ANKDD1A: variants seen among roughly 807,000 people sequenced by gnomAD.
ANKDD1A encodes ankyrin repeat and death domain-containing protein 1A.
A neutral mutation model predicts 63.5 loss-of-function variants in ANKDD1A; 59 were observed. The ratio of observed to expected loss-of-function variants is 0.93; its 90% confidence interval spans 0.75 to 1.15. The LOEUF (loss-of-function observed/expected upper bound fraction) is 1.15. Among genes scored for constraint, ANKDD1A ranks in the 50% most tolerant of loss-of-function variants. The pLI is 0.00. For missense variants in ANKDD1A, 632 were observed against 656.4 expected, an observed-to-expected ratio of 0.96 and a Z score of 0.41; for synonymous variants, 266 against 263.9, an observed-to-expected ratio of 1.01 and a Z score of -0.08.
chr15:64,954,503 C>CCTTCTTCTTT, intron 14 of ANKDD1A, among the ~76,000 whole-genome samples: 1 of 133,874 alleles, frequency 7.5e-6, no homozygotes, highest in Non-Finnish European at 1.6e-5. Context: ...CCTTCTTCTT[C>CCTTCTTCTTT]CTTCTTCTCC....
chr15:64,934,423 G>T (rs1379794040), intron 9 of ANKDD1A, among the ~76,000 whole-genome samples, 189 bp downstream of exon 9: 1 of 151,802 alleles, frequency 6.6e-6, no homozygotes, highest in Non-Finnish European at 1.5e-5. Context: ...AACCCAGCTT[G>T]CTTGCAATTC....
intron 1 of ANKDD1A, among the ~76,000 whole-genome samples, chr15:64,915,271 C>A (rs1190635093): frequency 6.6e-6 from 1 of 152,206 alleles, no homozygotes; most frequent in African/African-American, 2.4e-5. Context: ...CGCCACTGCA[C>A]TCCAGCCTGG....
At chr15:64,927,437 T>C (rs1420896460) in intron 6 of ANKDD1A, among the ~76,000 whole-genome samples, 1 of 151,962 alleles carries the variant, frequency 6.6e-6, no homozygotes, top group Non-Finnish European at 1.5e-5. Flanking sequence ...ATGGCAGGAA[T>C]AGGTTGGGAG....
intron 14 of ANKDD1A, among the ~76,000 whole-genome samples, chr15:64,953,781 C>CTTTCT (rs143013911): frequency 0.89 from 125,231 of 140,010 alleles, 56,809 homozygotes; most frequent in East Asian, 1. Context: ...TCCCTCTTTT[C>CTTTCT]TTTCTTCTGC....
chr15:64,951,929 CTTCCT>C (rs1223092625), intron 14 of ANKDD1A, among the ~76,000 whole-genome samples: 4 of 113,690 alleles, frequency 3.5e-5, no homozygotes, highest in African/African-American at 6.3e-5. Flanking sequence ...CTTTCCTCTT[CTTCCT>C]TTCTTTTCTT....
rs557194723 is a variant in ANKDD1A at position 64,954,924 on chromosome 15, TCTTCTC to T, written c.1484-2173_1484-2168del. Among the ~76,000 whole-genome samples the T allele has an allele frequency of 4.1e-3, 127 of 31,072 alleles. No individual in the cohort carries two copies. The East Asian group carries it at 0.17, about 41-fold the overall frequency. 20.4% of individuals were successfully genotyped at this position (31,072 alleles called of 152,430 possible). On this transcript the variant is annotated intron_variant, in intron 14 of 14. Coordinates refer to ENST00000319580, the MANE Select transcript of ANKDD1A (RefSeq NM_182703.6). ...TCTTCTCTTGTCTCTTCTCTCTCCTTCTTCTCCTTCTTCTTGTCTCTTCTTCTCTCT... is the reference window on the plus strand; with the variant it reads ...TCTTCTCTTGTCTCTTCTCTCTCCTTCTTCTTCTTGTCTCTTCTTCTCTCT...
At chr15:64,938,014 A>G (rs2085149055) in intron 9 of ANKDD1A, among the ~76,000 whole-genome samples, 1 of 152,218 alleles carries the variant, frequency 6.6e-6, no homozygotes. Flanking sequence ...GCCACCAGAG[A>G]GAGCTCCCAA....
rs150863998 is a variant in ANKDD1A at position 64,934,191 on chromosome 15, G to A, written c.824G>A (p.Arg275Gln). The change falls in exon 9 of 15, where the codon CGG (arginine) becomes CAG (glutamine). Residue 275 changes from arginine to glutamine, a missense_variant. Arg to Gln is a conservative substitution (Grantham distance 43, BLOSUM62 1). Coordinates refer to ENST00000319580, the MANE Select transcript of ANKDD1A (RefSeq NM_182703.6). ...AALSGSEDVS[R>Q]VLIHAGGCAN... ...CTCAGTGGCTCGGAGGATGTGTCTCGGGTCCTCATCCACGCAGGAGGCTGC... is the reference window on the plus strand; with the variant it reads ...CTCAGTGGCTCGGAGGATGTGTCTCAGGTCCTCATCCACGCAGGAGGCTGC... The A allele has an allele frequency of 4.8e-5, 77 of 1,612,198 alleles. No homozygotes were observed. Among genetic ancestry groups the A allele is most frequent in the African/African-American group, 2.3e-4 (17 of 74,888 alleles).
chr15:64,949,211 C>A (rs1194370559), intron 13 of ANKDD1A, among the ~76,000 whole-genome samples: 1 of 152,238 alleles, frequency 6.6e-6, no homozygotes, highest in South Asian at 2.1e-4. Context: ...AACCCCATGC[C>A]GTGTGGGCAA....
At chr15:64,944,931 A>T (rs1384409738) in intron 12 of ANKDD1A, among the ~76,000 whole-genome samples, 184 bp downstream of exon 12, 1 of 152,234 alleles carries the variant, frequency 6.6e-6, no homozygotes, top group Non-Finnish European at 1.5e-5. Flanking sequence ...CAAGTGTCCA[A>T]ACAGGCTGAA....
At chr15:64,955,048 T>TTTCTTTC (rs573884247) in intron 14 of ANKDD1A, among the ~76,000 whole-genome samples, 9 of 129,326 alleles carry the variant, frequency 7.0e-5, no homozygotes, top group East Asian at 6.0e-4. Context: ...TCTTTCTTTC[T>TTTCTTTC]TTCTTCTTCT....
intron 7 of ANKDD1A, 144 bp from the exon 8 acceptor site, chr15:64,931,343 G>T: frequency 1.4e-6 from 1 of 706,070 alleles, no homozygotes; most frequent in Non-Finnish European, 2.3e-6. Flanking sequence ...AAACAAGAAA[G>T]TTCATTGTTC....
chr15:64,949,165 GAGCCAGCTGAATCAC>G (rs1487917760), intron 13 of ANKDD1A, among the ~76,000 whole-genome samples: 2 of 152,260 alleles, frequency 1.3e-5, no homozygotes, highest in Non-Finnish European at 2.9e-5. Context: ...CAGCACTGGA[GAGCCAGCTGAATCAC>G]AGCCAGCTGA....
chr15:64,913,670 A>G (rs967506215), intron 1 of ANKDD1A, among the ~76,000 whole-genome samples: 1 of 152,160 alleles, frequency 6.6e-6, no homozygotes, highest in African/African-American at 2.4e-5. Flanking sequence ...CCTCTTTCTC[A>G]TCTGGAGAAG....
At chr15:64,918,463 C>T (rs2084986219) in intron 3 of ANKDD1A, among the ~76,000 whole-genome samples, 1 of 152,106 alleles carries the variant, frequency 6.6e-6, no homozygotes, top group Non-Finnish European at 1.5e-5. Context: ...CTTAGGCCTC[C>T]TTTAGGGATG....
intron 7 of ANKDD1A, among the ~76,000 whole-genome samples, chr15:64,931,181 G>A (rs1392471774): frequency 6.6e-6 from 1 of 152,206 alleles, no homozygotes; most frequent in Admixed American, 6.5e-5. Context: ...GGATGGTGAG[G>A]GAGGGCTTGC....
intron 14 of ANKDD1A, among the ~76,000 whole-genome samples, chr15:64,955,596 G>C (rs1295280239): frequency 6.6e-6 from 1 of 152,150 alleles, no homozygotes; most frequent in Non-Finnish European, 1.5e-5. Context: ...TATCTGTGCA[G>C]GATAGAAATC....
chr15:64,952,400 CT>C (rs2085307536), intron 14 of ANKDD1A, among the ~76,000 whole-genome samples: 5 of 12,056 alleles, frequency 4.1e-4, no homozygotes, highest in Admixed American at 1.4e-3. Context: ...CTTCTTCCTC[CT>C]TCTTCTTCTT....
At chr15:64,951,456 TCTTTTC>T (rs2085274653) in intron 14 of ANKDD1A, 1 of 38,514 alleles carries the variant, frequency 2.6e-5, no homozygotes, top group Non-Finnish European at 5.6e-5. Context: ...CCCTTTCTTT[TCTTTTC>T]TCTTTTTTCT....
Sources: gnomAD v4.1 joint callset for allele counts (sites outside exome capture counted in the v4.1 genomes callset) on GRCh38, gnomAD v4.1.1 for gene constraint, MANE v1.5 for transcripts, NCBI Gene and HGNC (gene_info 2026-07-23, HGNC 2026-07-21) for gene names.